The following FLNB variants were observed in gnomAD, a reference collection of about 807,000 sequenced individuals.
The protein encoded by FLNB is filamin-B.
FLNB carries 111 observed loss-of-function variants against 250.6 expected under a neutral mutation model. The ratio of observed to expected loss-of-function variants is 0.44; its 90% confidence interval spans 0.38 to 0.52. The LOEUF is 0.52. FLNB is among the 20% of genes least tolerant of loss of function. FLNB has a pLI of 0.00. For synonymous variants in FLNB, 1,302 were observed against 1,372.1 expected (o/e 0.95, Z 1.13); for missense variants, 2,869 against 3,447.8 (o/e 0.83, Z 4.20).
At chr3:58,053,653 A>G (rs749332690) in intron 1 of FLNB, among the ~76,000 whole-genome samples, 2 of 151,924 alleles carry the variant, frequency 1.3e-5, no homozygotes, top group South Asian at 2.1e-4. Flanking sequence ...TAGTAGAGAC[A>G]GGGTTTCACT....
chr3:58,029,319 C>G (rs553295763), intron 1 of FLNB, among the ~76,000 whole-genome samples: 2 of 152,206 alleles, frequency 1.3e-5, no homozygotes, highest in East Asian at 3.9e-4. Context: ...CTCTGCAAAG[C>G]AAGATATACA....
rs569790114 is a variant in FLNB at position 58,148,898 on chromosome 3, C to T, written c.6091+46C>T. The T allele has an allele frequency of 9.7e-6, 15 of 1,548,484 alleles. No individual in the cohort carries two copies. In the Admixed American group the frequency reaches 1.8e-4, roughly 19 times the overall value. ...GAGGCCCAGAGCTTGTGGGAACCGA[C>T]TTATTTTGCTGAGGCAGCGTCATCT... On this transcript the variant is annotated intron_variant, in intron 36 of 45. Coordinates refer to ENST00000295956, the MANE Select transcript of FLNB (RefSeq NM_001457.4).
chr3:58,011,685 A>G (rs1212917431), intron 1 of FLNB, among the ~76,000 whole-genome samples: 4 of 152,226 alleles, frequency 2.6e-5, no homozygotes, highest in Admixed American at 2.0e-4. Flanking sequence ...TTGTGCTGAC[A>G]ATGACACTAG....
In FLNB at chr3:58,136,019, A is replaced by G. The variant is rs1416068541; in HGVS notation, c.4712A>G (p.Asn1571Ser). 2.5e-6 allele frequency: 4 copies of G among 1,614,140 alleles called. No individual in the cohort carries two copies. Among genetic ancestry groups the G allele is most frequent in the South Asian group, 1.1e-5 (1 of 91,082 alleles). ...GKPKRAIVHD[N>S]KDGTYAVTYI... ...CCCAAAAGAGCCATTGTCCATGACA[A>G]TAAAGATGGCACGTATGCTGTCACC... is the stretch of plus-strand genomic sequence containing the variant. The change falls in exon 28 of 46, where the codon AAT becomes AGT. Residue 1571 changes from asparagine (N) to serine (S), a missense_variant. Physicochemically the swap from Asn to Ser is conservative, Grantham distance 46. Around this residue, in one of 5 missense-constraint regions of FLNB, gnomAD observed 126 missense variants for 182.0 expected, o/e 0.69. Transcript: ENST00000295956.
intron 1 of FLNB, among the ~76,000 whole-genome samples, chr3:58,009,388 C>A (rs2097095077): frequency 6.6e-6 from 1 of 152,174 alleles, no homozygotes; most frequent in Non-Finnish European, 1.5e-5. Context: ...CTGGTACCTT[C>A]CCCTGCCGTC....
rs184295638 is a variant in FLNB, at chr3:58,094,798, C to T, written c.788-38C>T. On this transcript the variant is annotated intron_variant, in intron 4 of 45. Coordinates refer to ENST00000295956, the MANE Select transcript of FLNB (RefSeq NM_001457.4). Reference sequence around the variant, plus strand: ...TGGGCGATGGCTCATGACACACCCTCGCCTGGCTTCTAACATGTCTGTGTA... The same window carrying T: ...TGGGCGATGGCTCATGACACACCCTTGCCTGGCTTCTAACATGTCTGTGTA... The T allele has an allele frequency of 4.6e-5, 72 of 1,555,818 alleles. 1 individual carries two copies. In the Admixed American group the frequency reaches 1.0e-3, roughly 22 times the overall value.
At chr3:58,106,501 C>T (rs939943886) in intron 11 of FLNB, among the ~76,000 whole-genome samples, 179 bp from the exon 12 acceptor site, 7 of 151,306 alleles carry the variant, frequency 4.6e-5, no homozygotes, top group Non-Finnish European at 8.8e-5. Context: ...TATTTTCCAC[C>T]CCTTCCATCT....
chr3:58,031,643 C>G (rs1459779754), intron 1 of FLNB, among the ~76,000 whole-genome samples: 1 of 150,318 alleles, frequency 6.7e-6, no homozygotes, highest in Non-Finnish European at 1.5e-5. Flanking sequence ...CTTCCACCTC[C>G]CAGGCTCAAG....
chr3:58,130,428 A>C (rs1419400273), intron 24 of FLNB, among the ~76,000 whole-genome samples: 3 of 151,962 alleles, frequency 2.0e-5, no homozygotes, highest in African/African-American at 7.3e-5. Flanking sequence ...TCCACCTTCC[A>C]CACCCCAAAT....
At chr3:58,115,172 A>G (rs933057936) in intron 18 of FLNB, among the ~76,000 whole-genome samples, 2 of 152,190 alleles carry the variant, frequency 1.3e-5, no homozygotes, top group African/African-American at 4.8e-5. Context: ...AGGCCACTCA[A>G]TAGTAAGTAG....
intron 1 of FLNB, among the ~76,000 whole-genome samples, chr3:58,034,127 C>G (rs2097134744): frequency 1.3e-5 from 2 of 152,194 alleles, no homozygotes; most frequent in Non-Finnish European, 2.9e-5. Context: ...TCCCAAAGTG[C>G]AGGGATTATA....
chr3:58,134,725 A>G lies in FLNB; in HGVS notation c.4624A>G (p.Ile1542Val). 2.5e-6 allele frequency: 4 copies of G among 1,614,212 alleles called. No individual in the cohort carries two copies. Among genetic ancestry groups the G allele is most frequent in the Non-Finnish European group, 2.5e-6 (3 of 1,180,020 alleles). ...TGCCAGTCTACCTGTGGACTTTGCAATTGATGCCCGAGATGCCGGGGAAGG... is the reference window on the plus strand; with the variant it reads ...TGCCAGTCTACCTGTGGACTTTGCAGTTGATGCCCGAGATGCCGGGGAAGG... ...VPASLPVDFA[I>V]DARDAGEGLL... The change falls in exon 27 of 46, where the codon ATT becomes GTT. Residue 1542 changes from isoleucine (I) to valine (V), a missense_variant. Coordinates refer to ENST00000295956, the MANE Select transcript of FLNB (RefSeq NM_001457.4).
intron 5 of FLNB, among the ~76,000 whole-genome samples, 185 bp downstream of exon 5, chr3:58,095,139 T>A (rs1012954255): frequency 6.6e-6 from 1 of 152,194 alleles, no homozygotes; most frequent in African/African-American, 2.4e-5. Flanking sequence ...TGAAATCAAA[T>A]TTAAATTGAT....
At chr3:58,058,237 A>T (rs1374115523) in intron 1 of FLNB, among the ~76,000 whole-genome samples, 4 of 152,234 alleles carry the variant, frequency 2.6e-5, no homozygotes, top group African/African-American at 9.6e-5. Context: ...TTACTAAGTT[A>T]TCTTTCCTCT....
intron 1 of FLNB, among the ~76,000 whole-genome samples, chr3:58,020,984 A>G (rs1472577113): frequency 4.6e-5 from 7 of 151,986 alleles, no homozygotes; most frequent in Non-Finnish European, 1.0e-4. Context: ...CGGGGCAGGA[A>G]AGGTTTCTTG....
intron 38 of FLNB, among the ~76,000 whole-genome samples, chr3:58,153,114 C>A (rs1362812761): frequency 6.6e-6 from 1 of 152,218 alleles, no homozygotes. Flanking sequence ...TGGAAAGGAG[C>A]CCGTCTGTGC....
intron 21 of FLNB, 100 bp downstream of exon 21, chr3:58,123,790 C>T (rs765988152): frequency 9.9e-6 from 10 of 1,010,372 alleles, no homozygotes; most frequent in Non-Finnish European, 1.5e-5. Flanking sequence ...CTGCAGGAGC[C>T]AGGTGACATA....
intron 1 of FLNB, among the ~76,000 whole-genome samples, chr3:58,022,651 G>T (rs1445028359): frequency 1.3e-5 from 2 of 152,160 alleles, no homozygotes; most frequent in South Asian, 2.1e-4. Context: ...GCAATTCTGA[G>T]AAGTAGTTAT....
At chr3:58,161,957 C>T (rs1446183360) in intron 42 of FLNB, among the ~76,000 whole-genome samples, 2 of 152,168 alleles carry the variant, frequency 1.3e-5, no homozygotes, top group Admixed American at 6.5e-5. Flanking sequence ...ACTGCTGAGT[C>T]ATTTCCTGTG....
Sources: gnomAD v4.1 joint callset for allele counts (sites outside exome capture counted in the v4.1 genomes callset) on GRCh38, gnomAD v4.1.1 for gene constraint, gnomAD v4.1.1 regional missense constraint, MANE v1.5 for transcripts, NCBI Gene and HGNC (gene_info 2026-07-23, HGNC 2026-07-21) for gene names.